Variants in CRY2 observed in about 807,000 individuals in gnomAD.
The protein encoded by CRY2 is cryptochrome-2.
CRY2 carries 31 observed loss-of-function variants against 69.5 expected under a neutral mutation model. That is an observed-to-expected ratio of 0.45 (90% CI 0.34 to 0.60). The LOEUF (loss-of-function observed/expected upper bound fraction) is 0.60, where lower values mean the gene tolerates loss of function less well. Ranked by LOEUF, CRY2 falls within the 20% of genes least tolerant of loss-of-function variation. The pLI is 0.02. For synonymous variants in CRY2, 303 were observed against 312.2 expected (o/e 0.97, Z 0.31); for missense variants, 606 against 797.8 (o/e 0.76, Z 2.90).
At chr11:45,878,098 C>T (rs2086437838) in intron 11 of CRY2, among the ~76,000 whole-genome samples, 1 of 152,210 alleles carries the variant, frequency 6.6e-6, no homozygotes, top group African/African-American at 2.4e-5. Context: ...ATCTTCTAAG[C>T]TTAGGCATTG....
At chr11:45,864,635 A>C (rs1469161027) in intron 5 of CRY2, among the ~76,000 whole-genome samples, 2 of 151,968 alleles carry the variant, frequency 1.3e-5, no homozygotes, top group African/African-American at 4.8e-5. Flanking sequence ...TGGGAGGCCG[A>C]GGCAGGTGGA....
chr11:45,869,993 C>CT, intron 7 of CRY2, 60 bp from the exon 8 acceptor site: 2 of 1,541,360 alleles, frequency 1.3e-6, no homozygotes, highest in Admixed American at 3.8e-5. Flanking sequence ...ACTGTGGTGA[C>CT]TTGGGAAAAA....
Position 45,858,792 on chromosome 11 carries a change from A to G in CRY2, c.386A>G (p.Asp129Gly), listed in dbSNP as rs1462422985. Residue 129 changes from aspartate (D) to glycine (G), a missense_variant, in exon 3 of 12, where the codon GAT becomes GGT. Transcript: ENST00000616080. ...YDSEPFGKER[D>G]AAIMKMAKEA... is the part of the protein sequence containing the mutation. ...TCTGAACCCTTTGGGAAAGAACGGG[A>G]TGCAGCCATCATGAAGATGGCCAAG... The G allele has an allele frequency of 6.2e-7, 1 of 1,614,192 alleles. No individual in the cohort carries two copies.
chr11:45,860,403 A>T (rs1447033802), intron 3 of CRY2, among the ~76,000 whole-genome samples: 1 of 151,854 alleles, frequency 6.6e-6, no homozygotes, highest in African/African-American at 2.4e-5. Context: ...AAAAAAAAAA[A>T]AAACATGTCT....
chr11:45,853,157 C>T (rs1221985444), intron 1 of CRY2, among the ~76,000 whole-genome samples: 2 of 152,206 alleles, frequency 1.3e-5, no homozygotes, highest in African/African-American at 4.8e-5. Flanking sequence ...TCTCTCTATG[C>T]CTCAGTTCCC....
intron 1 of CRY2, among the ~76,000 whole-genome samples, chr11:45,853,696 A>G (rs1415539852): frequency 6.6e-6 from 1 of 152,196 alleles, no homozygotes; most frequent in Non-Finnish European, 1.5e-5. Context: ...AGCCCTAGGC[A>G]TTCTACCTGG....
At chr11:45,875,296 G>A (rs1418142854) in intron 11 of CRY2, among the ~76,000 whole-genome samples, 1 of 152,210 alleles carries the variant, frequency 6.6e-6, no homozygotes, top group East Asian at 1.9e-4. Context: ...AGGACACAAG[G>A]TTACAGTTGG....
intron 11 of CRY2, 119 bp downstream of exon 11, chr11:45,872,352 C>CAAT: frequency 1.1e-6 from 1 of 890,898 alleles, no homozygotes. Flanking sequence ...TGGGACCACC[C>CAAT]AATGCTCAGC....
intron 1 of CRY2, among the ~76,000 whole-genome samples, chr11:45,849,062 C>T (rs2086174022): frequency 6.6e-6 from 1 of 152,202 alleles, no homozygotes; most frequent in Admixed American, 6.5e-5. Flanking sequence ...CGGAGCCAGG[C>T]AAATGGAATC....
At chr11:45,880,575 A>C (rs1418029365) in intron 11 of CRY2, among the ~76,000 whole-genome samples, 1 of 152,152 alleles carries the variant, frequency 6.6e-6, no homozygotes, top group African/African-American at 2.4e-5. Flanking sequence ...CTTGATTCAG[A>C]AGCTGCCCTT....
At chr11:45,871,345 G>C (rs1340101756) in intron 10 of CRY2, among the ~76,000 whole-genome samples, 1 of 152,216 alleles carries the variant, frequency 6.6e-6, no homozygotes, top group Non-Finnish European at 1.5e-5. Flanking sequence ...CAGTGTAGCG[G>C]CATGTCCCAG....
chr11:45,862,182 T>TA, intron 5 of CRY2, 34 bp downstream of exon 5: 1 of 1,586,828 alleles, frequency 6.3e-7, no homozygotes. Flanking sequence ...GAGCTGCAGA[T>TA]ACTGATATCC....
intron 1 of CRY2, among the ~76,000 whole-genome samples, chr11:45,850,521 A>G (rs2086190207): frequency 6.6e-6 from 1 of 152,106 alleles, no homozygotes; most frequent in Non-Finnish European, 1.5e-5. Flanking sequence ...ACACACTCCT[A>G]CCACCTCCAC....
At chr11:45,847,858 C>G (rs1486679470) in intron 1 of CRY2, among the ~76,000 whole-genome samples, 153 bp downstream of exon 1, 1 of 152,222 alleles carries the variant, frequency 6.6e-6, no homozygotes, top group Non-Finnish European at 1.5e-5. Context: ...GGTCCTAACG[C>G]GCCGGTGGGC....
intron 5 of CRY2, 39 bp from the exon 6 acceptor site, chr11:45,867,573 C>A (rs2086341047): frequency 2.5e-6 from 4 of 1,613,142 alleles, no homozygotes; most frequent in Non-Finnish European, 3.4e-6. Context: ...TCTGTTACAT[C>A]CAAGCCTTTC....
Position 45,862,150 on chromosome 11 carries a change from T to C in CRY2, c.741+2T>C. 1 of 1,612,542 alleles carries C rather than the reference T, an allele frequency of 6.2e-7. No individual in the cohort carries two copies. On this transcript the variant is annotated splice_donor_variant, in intron 5 of 11. Coordinates refer to ENST00000616080, the MANE Select transcript of CRY2 (RefSeq NM_021117.5). LOFTEE classifies it high-confidence loss of function. ...CTGGATAAGCACTTGGAACGGAAGG[T>C]ATGGGCCGTTTCTGAGACACAGAGC...
chr11:45,880,693 G>A (rs2086465124), intron 11 of CRY2, among the ~76,000 whole-genome samples: 1 of 152,176 alleles, frequency 6.6e-6, no homozygotes, highest in Admixed American at 6.5e-5. Flanking sequence ...GCAGTGGGGA[G>A]CTTGTCCTGC....
chr11:45,862,037 TTG>T (rs1245314052), intron 4 of CRY2, 21 bp from the exon 5 acceptor site: 1 of 1,606,556 alleles, frequency 6.2e-7, no homozygotes, highest in Non-Finnish European at 8.5e-7. Flanking sequence ...ACCTCCTGTC[TTG>T]TGACCTTTCC....
intron 4 of CRY2, 92 bp downstream of exon 4, chr11:45,861,124 G>T: frequency 1.4e-6 from 2 of 1,413,642 alleles, no homozygotes; most frequent in Non-Finnish European, 1.9e-6. Flanking sequence ...TTATAGAAAG[G>T]TTAGAAAGCA....
Sources: allele counts gnomAD v4.1 joint callset (sites outside exome capture counted in the v4.1 genomes callset), GRCh38; gene constraint gnomAD v4.1.1; transcripts MANE v1.5; gene names NCBI Gene and HGNC (gene_info 2026-07-23, HGNC 2026-07-21).